TSGA10: variants seen among roughly 807,000 people sequenced by gnomAD.
TSGA10 encodes the protein testis-specific gene 10 protein.
Under a neutral mutation model 96.6 loss-of-function variants are expected in TSGA10, and 43 were observed. The observed-to-expected ratio is 0.44, with a 90% CI of 0.35 to 0.57. TSGA10 has a LOEUF of 0.57. Among genes scored for constraint, TSGA10 ranks in the 20% least tolerant of loss-of-function variants. The probability of loss-of-function intolerance (pLI) is 0.01; values close to 1 mark genes in which losing one functional copy is unlikely to be tolerated. For missense variants in TSGA10, 703 were observed against 834.4 expected, an observed-to-expected ratio of 0.84 and a Z score of 1.94; for synonymous variants, 229 against 269.9, an observed-to-expected ratio of 0.85 and a Z score of 1.48.
At chr2:99,033,274 G>T (rs1218109655) in intron 17 of TSGA10, among the ~76,000 whole-genome samples, 1 of 152,212 alleles carries the variant, frequency 6.6e-6, no homozygotes, top group Non-Finnish European at 1.5e-5. Flanking sequence ...CTTAACTCAT[G>T]TCTGTTCGCA....
chr2:99,090,775 A>G (rs193215251), intron 10 of TSGA10, among the ~76,000 whole-genome samples: 8 of 152,340 alleles, frequency 5.3e-5, no homozygotes, highest in African/African-American at 1.7e-4. Flanking sequence ...GTTTTGGATT[A>G]TGTTAAACAA....
intron 1 of TSGA10, among the ~76,000 whole-genome samples, chr2:99,145,563 G>GAA (rs58490482): frequency 0.055 from 7,974 of 145,184 alleles, 347 homozygotes; most frequent in East Asian, 0.21. Flanking sequence ...GTCCCAAAAA[G>GAA]AAAAAAAAAA....
chr2:99,018,552 T>A lies in TSGA10; in HGVS notation c.1906A>T (p.Thr636Ser). ...DLDITKRQLG[T>S]ERFERERAVQ... ...TAAACTTACCTTTCAAAGCGCTCTG[T>A]TCCTAGTTGTCTTTTGGTAATGTCT... The change falls in exon 19 of 21, where the codon ACA becomes TCA. Residue 636 changes from threonine to serine, a missense_variant. Around this residue, in one of 3 missense-constraint regions of TSGA10, gnomAD observed 49 missense variants for 96.4 expected, o/e 0.51. Transcript: ENST00000393483. 1 of 1,613,878 alleles carries A rather than the reference T, an allele frequency of 6.2e-7. No homozygotes were observed. The highest frequency in any genetic ancestry group is 8.5e-7 in the Non-Finnish European group (1 of 1,179,940).
intron 1 of TSGA10, among the ~76,000 whole-genome samples, chr2:99,143,796 G>A (rs2093602737): frequency 6.6e-6 from 1 of 152,086 alleles, no homozygotes; most frequent in African/African-American, 2.4e-5. Flanking sequence ...ATAGTACCCT[G>A]TGCTTGCTCT....
At chr2:99,101,198 T>A (rs1193059481) in intron 10 of TSGA10, among the ~76,000 whole-genome samples, 1 of 122,402 alleles carries the variant, frequency 8.2e-6, no homozygotes, top group Non-Finnish European at 1.6e-5. Flanking sequence ...TGAGCCGAGA[T>A]TGCATGACTG....
At chr2:99,075,371 A>G (rs2086580479) in intron 12 of TSGA10, among the ~76,000 whole-genome samples, 1 of 152,208 alleles carries the variant, frequency 6.6e-6, no homozygotes, top group Non-Finnish European at 1.5e-5. Context: ...AAAATAAACT[A>G]TAACTTTATT....
At chr2:99,047,093 T>C (rs901933672) in intron 16 of TSGA10, among the ~76,000 whole-genome samples, 1 of 151,814 alleles carries the variant, frequency 6.6e-6, no homozygotes, top group African/African-American at 2.4e-5. Context: ...AGCTTACCAA[T>C]CAAAAAAAGT....
intron 20 of TSGA10, among the ~76,000 whole-genome samples, chr2:99,004,863 C>A (rs2078315564): frequency 6.6e-6 from 1 of 152,218 alleles, no homozygotes; most frequent in Admixed American, 6.5e-5. Context: ...AGACCAATAT[C>A]CTTGATGAAC....
At chr2:99,112,349 C>G (rs531799471) in intron 4 of TSGA10, among the ~76,000 whole-genome samples, 2 of 152,302 alleles carry the variant, frequency 1.3e-5, no homozygotes, top group South Asian at 4.1e-4. Context: ...CGCTCACGTT[C>G]TAAGCACTTG....
intron 1 of TSGA10, among the ~76,000 whole-genome samples, chr2:99,129,990 G>A (rs1384213536): frequency 6.6e-6 from 1 of 152,176 alleles, no homozygotes; most frequent in Non-Finnish European, 1.5e-5. Flanking sequence ...TGGCTGCACA[G>A]TATCCATGGT....
At chr2:99,067,579 G>A (rs1423574576) in intron 15 of TSGA10, among the ~76,000 whole-genome samples, 1 of 152,126 alleles carries the variant, frequency 6.6e-6, no homozygotes, top group Non-Finnish European at 1.5e-5. Context: ...TGGGGTGAGT[G>A]CAGTGGCTCA....
Position 98,998,194 on chromosome 2 carries a change from G to A in TSGA10, c.*3C>T, listed in dbSNP as rs1203794122. The A allele has an allele frequency of 6.3e-7, 1 of 1,598,630 alleles. No individual in the cohort carries two copies. The highest frequency in any genetic ancestry group is 2.3e-5 in the East Asian group (1 of 44,374). ...TCAGGGATGTGAAGAATCATTTCAGGTGTCAGAAATCTCTGTAGCAAAGAT... is the reference window on the plus strand; with the variant it reads ...TCAGGGATGTGAAGAATCATTTCAGATGTCAGAAATCTCTGTAGCAAAGAT... On this transcript the variant is annotated 3_prime_UTR_variant, in exon 21 of 21. Coordinates refer to ENST00000393483, the MANE Select transcript of TSGA10 (RefSeq NM_025244.4).
intron 9 of TSGA10, 116 bp downstream of exon 9, chr2:99,105,242 AC>A: frequency 2.6e-6 from 2 of 782,582 alleles, no homozygotes; most frequent in Non-Finnish European, 3.9e-6. Flanking sequence ...GTATTTTAGG[AC>A]TATAAACACT....
chr2:99,134,896 C>T (rs988677038), intron 1 of TSGA10, among the ~76,000 whole-genome samples: 1 of 152,208 alleles, frequency 6.6e-6, no homozygotes, highest in African/African-American at 2.4e-5. Context: ...ACCCTGTTTG[C>T]CTGAGTATCA....
intron 4 of TSGA10, among the ~76,000 whole-genome samples, chr2:99,113,087 A>T (rs1258865404): frequency 6.6e-6 from 1 of 151,992 alleles, no homozygotes; most frequent in African/African-American, 2.4e-5. Flanking sequence ...GTCATGTTCA[A>T]TTATCTGGGA....
At chr2:99,010,464 T>C (rs1296424987) in intron 20 of TSGA10, among the ~76,000 whole-genome samples, 1 of 152,208 alleles carries the variant, frequency 6.6e-6, no homozygotes, top group Non-Finnish European at 1.5e-5. Flanking sequence ...ACGTCCCCAC[T>C]GGGGAATCTA....
rs531400304 is a variant in TSGA10, at chr2:99,103,691, A to G, written c.611+276T>C. On this transcript the variant is annotated intron_variant, in intron 10 of 20. Coordinates refer to ENST00000393483, the MANE Select transcript of TSGA10 (RefSeq NM_025244.4). Reference sequence around the variant, plus strand: ...AAGTCAAATATATTCTGTACCCAGAAGAGCTTTGTAAAAGCTATTTCAGTT... The same window carrying G: ...AAGTCAAATATATTCTGTACCCAGAGGAGCTTTGTAAAAGCTATTTCAGTT... Among the ~76,000 whole-genome samples, 10 of 152,370 alleles carry G rather than the reference A, an allele frequency of 6.6e-5. No individual in the cohort carries two copies. In the South Asian group the frequency reaches 1.9e-3, roughly 28 times the overall value.
At chr2:99,122,834 T>C (rs1006514298) in intron 2 of TSGA10, among the ~76,000 whole-genome samples, 2 of 151,904 alleles carry the variant, frequency 1.3e-5, no homozygotes, top group East Asian at 3.9e-4. Context: ...CATTTACCCA[T>C]ATTTTTTGCT....
At chr2:99,150,947 C>A in intron 1 of TSGA10, 1 of 662,754 alleles carries the variant, frequency 1.5e-6, no homozygotes, top group East Asian at 2.7e-5. Flanking sequence ...AAGACTATTG[C>A]CTTATTTTGC....
Sources: allele counts gnomAD v4.1 joint callset (sites outside exome capture counted in the v4.1 genomes callset), GRCh38; gene constraint gnomAD v4.1.1; regional missense constraint gnomAD v4.1.1; transcripts MANE v1.5; gene names NCBI Gene and HGNC (gene_info 2026-07-23, HGNC 2026-07-21).